The following SV2B variants were observed in gnomAD, a reference collection of about 807,000 sequenced individuals.
SV2B encodes solute carrier family 22 member B2.
Under a neutral mutation model 73.9 loss-of-function variants are expected in SV2B, and 41 were observed. The observed-to-expected ratio is 0.56, with a 90% confidence interval of 0.43 to 0.72. The LOEUF is 0.72. SV2B is among the 30% of genes least tolerant of loss of function. The pLI is 0.00. For missense variants in SV2B, 764 were observed against 857.8 expected, an observed-to-expected ratio of 0.89 and a Z score of 1.37; for synonymous variants, 314 against 314.2, an observed-to-expected ratio of 1.00 and a Z score of 0.01.
intron 2 of SV2B, among the ~76,000 whole-genome samples, chr15:91,249,068 T>TCACCTA (rs1555490603): frequency 4.2e-5 from 6 of 142,012 alleles, no homozygotes; most frequent in African/African-American, 1.6e-4. Context: ...ATCTACGTTT[T>TCACCTA]CACACACACA....
Position 91,292,234 on chromosome 15 carries a change from ATG to A in SV2B, c.1869-131_1869-130del, listed in dbSNP as rs1025004588. On this transcript the variant is annotated intron_variant, in intron 12 of 12. Coordinates refer to ENST00000394232, the MANE Select transcript of SV2B (RefSeq NM_001323032.3). ...ATTTCCAAATTTGACTACAATGAGA[ATG>A]TGTTATTTTTATATTTAGGAAAAAA... 14 of 732,982 alleles carry A rather than the reference ATG, an allele frequency of 1.9e-5. No individual in the cohort carries two copies. In the African/African-American group the frequency reaches 2.5e-4, roughly 13 times the overall value. 45.4% of individuals were successfully genotyped at this position (732,982 alleles called of 1,614,324 possible).
chr15:91,226,813 G>T lies in SV2B; in HGVS notation c.451+99G>T. The stretch of plus-strand genomic sequence containing the variant: ...TTAGGCACTTTAAATATATCACAAT[G>T]TACCCATTTTGCTGTGAAGGAATTT... On this transcript the variant is annotated intron_variant, in intron 2 of 12. Coordinates refer to ENST00000394232, the MANE Select transcript of SV2B (RefSeq NM_001323032.3). 5 of 1,393,968 alleles carry T rather than the reference G, an allele frequency of 3.6e-6. No individual in the cohort carries two copies. In the South Asian group the frequency reaches 5.7e-5, roughly 16 times the overall value. 86.3% of individuals were successfully genotyped at this position (1,393,968 alleles called of 1,614,324 possible).
intron 9 of SV2B, among the ~76,000 whole-genome samples, chr15:91,279,674 C>T (rs2048621212): frequency 6.6e-6 from 1 of 152,200 alleles, no homozygotes; most frequent in Non-Finnish European, 1.5e-5. Flanking sequence ...TATGGCTCTG[C>T]CTTCTCAGAC....
intron 1 of SV2B, among the ~76,000 whole-genome samples, chr15:91,108,492 G>A (rs556132857): frequency 6.6e-6 from 1 of 152,342 alleles, no homozygotes; most frequent in Admixed American, 6.5e-5. Flanking sequence ...GGTTCTTCCT[G>A]TTCCAGGCAC....
chr15:91,203,769 G>T (rs17693473), intron 1 of SV2B, among the ~76,000 whole-genome samples: 1 of 152,132 alleles, frequency 6.6e-6, no homozygotes, highest in African/African-American at 2.4e-5. Context: ...AAGTTCCTGC[G>T]TGTTAAATCT....
At chr15:91,152,122 G>A (rs1286602426) in intron 1 of SV2B, among the ~76,000 whole-genome samples, 2 of 142,760 alleles carry the variant, frequency 1.4e-5, no homozygotes, top group Non-Finnish European at 3.0e-5. Flanking sequence ...TTATTGCAAA[G>A]AGCAAAAGAG....
chr15:91,206,028 TGGTGGTTGTG>T (rs2045624234), intron 1 of SV2B, among the ~76,000 whole-genome samples: 1 of 150,600 alleles, frequency 6.6e-6, no homozygotes, highest in Admixed American at 6.6e-5. Flanking sequence ...GTTGTGGTGG[TGGTGGTTGTG>T]GGTGGTTGTT....
rs1250077897 is a variant in SV2B, at chr15:91,252,441, C to A, written c.705C>A (p.His235Gln). The A allele has an allele frequency of 5.0e-6, 8 of 1,613,550 alleles. No individual in the cohort carries two copies. The highest frequency in any genetic ancestry group is 6.8e-6 in the Non-Finnish European group (8 of 1,179,804). Residue 235 changes from histidine (H) to glutamine (Q), a missense_variant, in exon 4 of 13, where the codon CAC becomes CAA. Transcript: ENST00000394232. The surrounding 1 kb of genome is among the most constrained non-coding windows in gnomAD (Gnocchi z 4.6). ...TGTCTCGGGAGAAGCGAGGAGAACA[C>A]CTCAGTTGGCTGGGCATCTTCTGGA... is the stretch of plus-strand genomic sequence containing the variant. ...EFLSREKRGE[H>Q]LSWLGIFWMT...
At position 91,105,077 on chromosome 15, in the gene SV2B, A is replaced by C. The variant is rs2041845472; in HGVS notation, c.-392+4714A>C. 6.6e-6 allele frequency among the ~76,000 whole-genome samples: 1 copy of C among 152,240 alleles called. No individual in the cohort carries two copies. The highest frequency in any genetic ancestry group is 2.1e-4 in the South Asian group (1 of 4,836). On this transcript the variant is annotated intron_variant, in intron 1 of 12. Transcript: ENST00000394232. The surrounding 1 kb of genome is among the most constrained non-coding windows in gnomAD (Gnocchi z 5.5). ...TCTAGAGATGTATGTATCTTTAGAT[A>C]ATCATTCATTCACTAAATAAATATT...
In SV2B at chr15:91,229,746, T is replaced by C. The variant is rs2046504276; in HGVS notation, c.451+3032T>C. Among the ~76,000 whole-genome samples, 1 of 152,232 alleles carries C rather than the reference T, an allele frequency of 6.6e-6. No homozygotes were observed. Among genetic ancestry groups the C allele is most frequent in the Admixed American group, 6.5e-5 (1 of 15,286 alleles). On this transcript the variant is annotated intron_variant, in intron 2 of 12. Transcript: ENST00000394232. The surrounding 1 kb of genome is among the most constrained non-coding windows in gnomAD (Gnocchi z 4.3). The stretch of plus-strand genomic sequence containing the variant: ...TAGTTATTATTATTGTCGATTGTGG[T>C]TGTTCTTATTACTAAACTGATTGCT...
intron 1 of SV2B, among the ~76,000 whole-genome samples, chr15:91,109,202 C>T (rs2041971566): frequency 6.6e-6 from 1 of 152,222 alleles, no homozygotes; most frequent in Non-Finnish European, 1.5e-5. Context: ...TGCACAATCT[C>T]ATTTGTTTCC....
rs2047191949 is a variant in SV2B, at chr15:91,245,626, C to T, written c.452-6193C>T. On this transcript the variant is annotated intron_variant, in intron 2 of 12. Coordinates refer to ENST00000394232, the MANE Select transcript of SV2B (RefSeq NM_001323032.3). The surrounding 1 kb of genome is among the most constrained non-coding windows in gnomAD (Gnocchi z 4.2). ...TACCTACTATGTGTACATCTCTGTG[C>T]TAGAGACACAGTGTCGAACTCTCCT... is the stretch of plus-strand genomic sequence containing the variant. Among the ~76,000 whole-genome samples, 1 of 152,154 alleles carries T rather than the reference C, an allele frequency of 6.6e-6. No homozygotes were observed. The highest frequency in any genetic ancestry group is 2.4e-5 in the African/African-American group (1 of 41,418).
chr15:91,165,569 C>A (rs1446243771), intron 1 of SV2B, among the ~76,000 whole-genome samples: 2 of 152,106 alleles, frequency 1.3e-5, no homozygotes, highest in Non-Finnish European at 2.9e-5. Flanking sequence ...TTTTGGTATC[C>A]ACGGAGGGTG....
chr15:91,189,688 C>T lies in SV2B; in HGVS notation c.-391-36185C>T, dbSNP rs370960861. On this transcript the variant is annotated intron_variant, in intron 1 of 12. Coordinates refer to ENST00000394232, the MANE Select transcript of SV2B (RefSeq NM_001323032.3). ...ATTTTCTCTGGAAAGGGCTGGTTCACTCCTTTTAGAAAAATTCCAGCCGGG... is the reference window on the plus strand; with the variant it reads ...ATTTTCTCTGGAAAGGGCTGGTTCATTCCTTTTAGAAAAATTCCAGCCGGG... Among the ~76,000 whole-genome samples the T allele has an allele frequency of 1.9e-4, 29 of 152,306 alleles. No homozygotes were observed. In the East Asian group the frequency reaches 3.1e-3, roughly 16 times the overall value.
chr15:91,278,571 C>T (rs1351695861), intron 9 of SV2B, among the ~76,000 whole-genome samples: 3 of 138,828 alleles, frequency 2.2e-5, no homozygotes, highest in Admixed American at 7.2e-5. Flanking sequence ...CCCAGCTACT[C>T]GGGAGGCTGA....
At chr15:91,173,754 A>G (rs929187913) in intron 1 of SV2B, among the ~76,000 whole-genome samples, 1 of 152,238 alleles carries the variant, frequency 6.6e-6, no homozygotes, top group Non-Finnish European at 1.5e-5. Flanking sequence ...GAATAGGTGA[A>G]TATTTCAACA....
chr15:91,189,524 G>T (rs2044917792), intron 1 of SV2B, among the ~76,000 whole-genome samples: 1 of 152,154 alleles, frequency 6.6e-6, no homozygotes, highest in African/African-American at 2.4e-5. Context: ...AAAAATGTCA[G>T]TTTTCTCCAA....
chr15:91,272,702 A>G (rs1411943233), intron 9 of SV2B, among the ~76,000 whole-genome samples: 1 of 152,156 alleles, frequency 6.6e-6, no homozygotes, highest in Non-Finnish European at 1.5e-5. Context: ...AGCAGGGGGC[A>G]GGAAGAGCAG....
At chr15:91,206,907 T>C (rs902862955) in intron 1 of SV2B, among the ~76,000 whole-genome samples, 2 of 152,116 alleles carry the variant, frequency 1.3e-5, no homozygotes, top group African/African-American at 2.4e-5. Context: ...TCATCCCAAA[T>C]AGAAAAGCAG....
Sources: gnomAD v4.1 joint callset for allele counts (sites outside exome capture counted in the v4.1 genomes callset) on GRCh38, gnomAD v4.1.1 for gene constraint, Gnocchi (gnomAD v3.1) non-coding constraint, MANE v1.5 for transcripts, NCBI Gene and HGNC (gene_info 2026-07-23, HGNC 2026-07-21) for gene names.